FAM135A: variants seen among roughly 807,000 people sequenced by gnomAD.
FAM135A encodes family with sequence similarity 135 member A, also known as protein FAM135A.
FAM135A carries 79 observed loss-of-function variants against 146.8 expected under a neutral mutation model. The observed-to-expected ratio is 0.54, with a 90% CI of 0.45 to 0.65. The LOEUF is 0.65. Ranked by LOEUF, FAM135A falls within the 30% of genes least tolerant of loss-of-function variation. FAM135A has a pLI of 0.00. For missense variants in FAM135A, 1,623 were observed against 1,758.2 expected, an observed-to-expected ratio of 0.92 and a Z score of 1.38; for synonymous variants, 562 against 603.6, an observed-to-expected ratio of 0.93 and a Z score of 1.01.
chr6:70,517,627 T>G (rs879687135), intron 12 of FAM135A, among the ~76,000 whole-genome samples: 4 of 151,898 alleles, frequency 2.6e-5, no homozygotes, highest in Non-Finnish European at 5.9e-5. Context: ...CCGTGTTGGT[T>G]AGGCTGGTCT....
intron 4 of FAM135A, among the ~76,000 whole-genome samples, chr6:70,443,081 G>T (rs1774928136): frequency 6.6e-6 from 1 of 152,110 alleles, no homozygotes; most frequent in African/African-American, 2.4e-5. Context: ...TAAGGCAAAG[G>T]GTAAATGACA....
Position 70,536,933 on chromosome 6 carries a change from G to C in FAM135A, c.4117+522G>C, listed in dbSNP as rs566825272. On this transcript the variant is annotated intron_variant, in intron 19 of 21. Coordinates refer to ENST00000418814, the MANE Select transcript of FAM135A (RefSeq NM_001162529.3). ...CTCATCAACAAATATTTGGTACTTT[G>C]ATTTTTTTTTTTTTTTTTTTTAGGA... Among the ~76,000 whole-genome samples, 14 of 144,536 alleles carry C rather than the reference G, an allele frequency of 9.7e-5. No homozygotes were observed. The South Asian group carries it at 2.2e-3, about 22-fold the overall frequency. The allele number at this position is 144,536 out of a possible 152,430, so 94.8% of individuals were successfully genotyped here.
intron 5 of FAM135A, among the ~76,000 whole-genome samples, chr6:70,461,657 G>A (rs1477851014): frequency 1.3e-5 from 2 of 152,122 alleles, no homozygotes; most frequent in Non-Finnish European, 2.9e-5. Flanking sequence ...AAGAACTGAA[G>A]AGAAGAAGAG....
chr6:70,517,360 A>G (rs1310324700), intron 12 of FAM135A, among the ~76,000 whole-genome samples: 1 of 150,618 alleles, frequency 6.6e-6, no homozygotes, highest in African/African-American at 2.4e-5. Context: ...GGGAAACCTC[A>G]TCTCTACAAA....
intron 1 of FAM135A, 112 bp downstream of exon 1, chr6:70,413,814 G>A: frequency 1.0e-6 from 1 of 985,400 alleles, no homozygotes; most frequent in Non-Finnish European, 1.2e-6. Context: ...TTCGTCCGCC[G>A]TTCGCCCGCC....
chr6:70,433,167 C>T (rs1191133132), intron 4 of FAM135A, among the ~76,000 whole-genome samples: 12 of 151,758 alleles, frequency 7.9e-5, no homozygotes, highest in African/African-American at 2.2e-4. Flanking sequence ...CTCCGCCTCC[C>T]GGGTTCATGC....
intron 4 of FAM135A, among the ~76,000 whole-genome samples, chr6:70,434,164 A>G (rs1772408375): frequency 6.6e-6 from 1 of 152,236 alleles, no homozygotes; most frequent in Non-Finnish European, 1.5e-5. Flanking sequence ...GACTTCATTC[A>G]AAATACATTT....
intron 4 of FAM135A, among the ~76,000 whole-genome samples, chr6:70,438,708 T>C (rs945706933): frequency 6.6e-6 from 1 of 152,170 alleles, no homozygotes; most frequent in Non-Finnish European, 1.5e-5. Context: ...TTCTCGACTT[T>C]AGGAAAGAAA....
At chr6:70,548,278 G>A (rs538812370) in intron 20 of FAM135A, among the ~76,000 whole-genome samples, 2 of 152,260 alleles carry the variant, frequency 1.3e-5, no homozygotes, top group African/African-American at 4.8e-5. Flanking sequence ...CTGTGCAAAA[G>A]CACAATATCA....
At chr6:70,492,656 TAA>T (rs368818336) in intron 11 of FAM135A, among the ~76,000 whole-genome samples, 38 of 128,136 alleles carry the variant, frequency 3.0e-4, no homozygotes, top group Admixed American at 3.1e-4. Flanking sequence ...AACACCCTTG[TAA>T]AAAAAAAAAA....
intron 5 of FAM135A, among the ~76,000 whole-genome samples, chr6:70,473,429 A>T (rs1284750166): frequency 2.0e-5 from 3 of 152,152 alleles, no homozygotes; most frequent in Non-Finnish European, 4.4e-5. Flanking sequence ...ACATGTCTTT[A>T]TCTAAATATC....
At chr6:70,507,809 T>C (rs1419632963) in intron 12 of FAM135A, among the ~76,000 whole-genome samples, 1 of 152,106 alleles carries the variant, frequency 6.6e-6, no homozygotes, top group Non-Finnish European at 1.5e-5. Context: ...AAGTGAATAA[T>C]GTCTTTGTCA....
chr6:70,535,264 C>T (rs1796583951), intron 18 of FAM135A, among the ~76,000 whole-genome samples: 1 of 152,170 alleles, frequency 6.6e-6, no homozygotes, highest in East Asian at 1.9e-4. Flanking sequence ...CTCTCAAGCT[C>T]TCTTTCACTG....
chr6:70,496,315 G>A (rs1249760782), intron 11 of FAM135A, among the ~76,000 whole-genome samples: 1 of 152,126 alleles, frequency 6.6e-6, no homozygotes, highest in African/African-American at 2.4e-5. Context: ...CTTTTGAGAT[G>A]TGTCTGTTCA....
chr6:70,419,457 C>A (rs141177710), intron 2 of FAM135A, among the ~76,000 whole-genome samples: 180 of 152,156 alleles, frequency 1.2e-3, no homozygotes, highest in African/African-American at 4.2e-3. Flanking sequence ...GGGCTTCTTG[C>A]TTATTCCTTT....
Position 70,475,454 on chromosome 6 carries a change from T to G in FAM135A, c.202T>G (p.Cys68Gly). The G allele has an allele frequency of 6.2e-7, 1 of 1,604,592 alleles. No individual in the cohort carries two copies. The highest frequency in any genetic ancestry group is 1.1e-5 in the South Asian group (1 of 88,292). The change falls in exon 6 of 22, where the codon TGC becomes GGC. Residue 68 changes from cysteine (C) to glycine (G), a missense_variant. Cys to Gly is a radical substitution (Grantham distance 159). This residue lies in a region of FAM135A where 171 missense variants were observed against 164.9 expected (regional missense o/e 1.04). Coordinates refer to ENST00000418814, the MANE Select transcript of FAM135A (RefSeq NM_001162529.3). Reference protein sequence around the residue: ...FPASVHDSLICSKTFQILYKN... With the variant: ...FPASVHDSLIGSKTFQILYKN... ...AGCCTCAGTTCATGATTCTCTAATT[T>G]GCAGTAAAACATTTCAAATTTTGTA...
At chr6:70,481,154 A>G in intron 9 of FAM135A, 127 bp downstream of exon 9, 1 of 851,480 alleles carries the variant, frequency 1.2e-6, no homozygotes. Flanking sequence ...ATCTAATTAA[A>G]TATGATCTTA....
intron 20 of FAM135A, among the ~76,000 whole-genome samples, chr6:70,556,421 C>T (rs1162589396): frequency 6.6e-6 from 1 of 151,844 alleles, no homozygotes; most frequent in Non-Finnish European, 1.5e-5. Context: ...TGATGAATAC[C>T]TTTTGGAAGG....
Position 70,502,705 on chromosome 6 carries a change from A to C in FAM135A, c.943A>C (p.Met315Leu). 1 of 1,613,460 alleles carries C rather than the reference A, an allele frequency of 6.2e-7. No individual in the cohort carries two copies. Among genetic ancestry groups the C allele is most frequent in the Non-Finnish European group, 8.5e-7 (1 of 1,179,658 alleles). The change falls in exon 12 of 22, where the codon ATG becomes CTG. Residue 315 changes from methionine to leucine, a missense_variant. Around this residue, in one of 7 missense-constraint regions of FAM135A, gnomAD observed 206 missense variants for 194.7 expected, o/e 1.06. Transcript: ENST00000418814. Reference sequence around the variant, plus strand: ...TCTTGCGCAACTTTGCTCACTTTTGATGGCTTTATGGGGACAGTTTCTGGA... The same window carrying C: ...TCTTGCGCAACTTTGCTCACTTTTGCTGGCTTTATGGGGACAGTTTCTGGA... ...MNLAQLCSLL[M>L]ALWGQFLEVI...
Sources: gnomAD v4.1 joint callset for allele counts (sites outside exome capture counted in the v4.1 genomes callset) on GRCh38, gnomAD v4.1.1 for gene constraint, gnomAD v4.1.1 regional missense constraint, MANE v1.5 for transcripts, NCBI Gene and HGNC (gene_info 2026-07-23, HGNC 2026-07-21) for gene names.